The following CDH20 variants were observed in gnomAD, a reference collection of about 807,000 sequenced individuals.
The protein encoded by CDH20 is cadherin 20.
CDH20 carries 29 observed loss-of-function variants against 74.2 expected under a neutral mutation model. The ratio of observed to expected loss-of-function variants is 0.39; its 90% CI spans 0.29 to 0.53. The LOEUF (loss-of-function observed/expected upper bound fraction) is 0.53. Ranked by LOEUF, CDH20 falls within the 20% of genes least tolerant of loss-of-function variation. The pLI is 0.69. For synonymous variants in CDH20, 469 were observed against 405.4 expected (o/e 1.16, Z -1.88); for missense variants, 988 against 1,048.3 (o/e 0.94, Z 0.79).
intron 1 of CDH20, among the ~76,000 whole-genome samples, chr18:61,448,389 A>C (rs1909269795): frequency 6.6e-6 from 1 of 152,216 alleles, no homozygotes. Context: ...GACTGGGCAC[A>C]AACATCTTGA....
intron 1 of CDH20, among the ~76,000 whole-genome samples, chr18:61,441,197 CT>C (rs2144318156): frequency 6.6e-6 from 1 of 152,232 alleles, no homozygotes; most frequent in South Asian, 2.1e-4. Flanking sequence ...GTATAACTCA[CT>C]TTTCTTAAAA....
intron 6 of CDH20, among the ~76,000 whole-genome samples, chr18:61,522,635 G>A (rs186407139): frequency 1.1e-4 from 17 of 152,264 alleles, no homozygotes; most frequent in African/African-American, 4.1e-4. Context: ...TAACAAAGCT[G>A]GAGGCATCAC....
chr18:61,501,953 G>A (rs545311118), intron 4 of CDH20, among the ~76,000 whole-genome samples: 40 of 152,142 alleles, frequency 2.6e-4, no homozygotes, highest in African/African-American at 9.6e-4. Flanking sequence ...GCCCATGGGG[G>A]GCCTTTTAAA....
At chr18:61,488,288 A>G (rs1361699244) in intron 1 of CDH20, among the ~76,000 whole-genome samples, 2 of 152,208 alleles carry the variant, frequency 1.3e-5, no homozygotes, top group African/African-American at 4.8e-5. Flanking sequence ...TCACAGATGT[A>G]GAGATCTGAA....
In CDH20 at chr18:61,518,792, G is replaced by A. The variant is rs919906020; in HGVS notation, c.1018-9175G>A. Among the ~76,000 whole-genome samples the A allele has an allele frequency of 1.3e-5, 2 of 151,282 alleles. 1 individual carries two copies. The highest frequency in any genetic ancestry group is 4.9e-5 in the African/African-American group (2 of 40,696). ...GAGTTTGACAAACTGACAGAAGTGGGCTTCAGAAAGTGGGTAATAACAAAC... is the reference window on the plus strand; with the variant it reads ...GAGTTTGACAAACTGACAGAAGTGGACTTCAGAAAGTGGGTAATAACAAAC... On this transcript the variant is annotated intron_variant, in intron 6 of 11. Transcript: ENST00000262717.
chr18:61,347,847 C>CT (rs796919833), intron 1 of CDH20, among the ~76,000 whole-genome samples: 6 of 152,024 alleles, frequency 3.9e-5, no homozygotes, highest in African/African-American at 9.6e-5. Context: ...ATAAACAATA[C>CT]TTTTTTTTCA....
intron 4 of CDH20, among the ~76,000 whole-genome samples, chr18:61,500,968 A>G (rs545092288): frequency 7.9e-5 from 12 of 152,250 alleles, no homozygotes; most frequent in Non-Finnish European, 1.6e-4. Flanking sequence ...ATTGAGAGCT[A>G]CTAAAGTTCA....
chr18:61,538,424 T>C lies in CDH20; in HGVS notation c.1409-600T>C, dbSNP rs547832089. Among the ~76,000 whole-genome samples the C allele has an allele frequency of 2.0e-5, 3 of 152,042 alleles. No homozygotes were observed. The South Asian group carries it at 6.2e-4, about 32-fold the overall frequency. On this transcript the variant is annotated intron_variant, in intron 8 of 11. Coordinates refer to ENST00000262717, the MANE Select transcript of CDH20 (RefSeq NM_031891.4). The stretch of plus-strand genomic sequence containing the variant: ...CTCACCCTTCCCTTCATACTGCTGA[T>C]AGCAAAGGTTCACCAACACACACCT...
intron 3 of CDH20, among the ~76,000 whole-genome samples, chr18:61,500,144 A>G (rs1911321968): frequency 1.5e-5 from 2 of 129,472 alleles, no homozygotes; most frequent in South Asian, 2.5e-4. Context: ...AAAAAAAAAA[A>G]AAAAAGCAAT....
At chr18:61,421,217 A>C (rs1237206048) in intron 1 of CDH20, among the ~76,000 whole-genome samples, 2 of 152,224 alleles carry the variant, frequency 1.3e-5, no homozygotes, top group Non-Finnish European at 2.9e-5. Context: ...ATGTTCGAGA[A>C]ATTTTTTGTA....
intron 6 of CDH20, among the ~76,000 whole-genome samples, chr18:61,523,147 T>A (rs1470864799): frequency 1.3e-5 from 2 of 151,522 alleles, no homozygotes; most frequent in South Asian, 2.1e-4. Context: ...TGGGAGAAAA[T>A]TTTTGCAATC....
intron 1 of CDH20, among the ~76,000 whole-genome samples, chr18:61,451,783 A>T (rs1909396200): frequency 6.6e-6 from 1 of 152,124 alleles, no homozygotes. Flanking sequence ...TTGGAGAATC[A>T]GTTGACTGAA....
chr18:61,456,859 T>A (rs1411127202), intron 1 of CDH20, among the ~76,000 whole-genome samples: 4 of 152,136 alleles, frequency 2.6e-5, no homozygotes, highest in African/African-American at 9.7e-5. Context: ...GGTGGTTGTC[T>A]CTTGGTTGTA....
chr18:61,528,362 T>G lies in CDH20; in HGVS notation c.1271+142T>G, dbSNP rs544166290. 517 of 849,998 alleles carry G rather than the reference T, an allele frequency of 6.1e-4. 2 individuals carry two copies. The African/African-American group carries it at 7.2e-3, about 12-fold the overall frequency. The allele number at this position is 849,998 out of a possible 1,614,324, so 52.7% of individuals were successfully genotyped here. A position where few individuals can be genotyped will look rare whatever the true frequency, so the allele number is the denominator to read the frequency against. ...TCCTCTTTGAGTTTTTTGTGTTGTT[T>G]TTTTTTTTTTCCCTTAAATAACATG... On this transcript the variant is annotated intron_variant, in intron 7 of 11. Transcript: ENST00000262717.
chr18:61,502,858 C>A (rs1012649723), intron 4 of CDH20, 95 bp from the exon 5 acceptor site: 51 of 983,966 alleles, frequency 5.2e-5, no homozygotes, highest in Non-Finnish European at 7.0e-5. Flanking sequence ...CACTTCTAGG[C>A]ATTAATGGTG....
chr18:61,474,383 T>C (rs1180471472), intron 1 of CDH20, among the ~76,000 whole-genome samples: 1 of 152,188 alleles, frequency 6.6e-6, no homozygotes, highest in African/African-American at 2.4e-5. Flanking sequence ...GCCTTAAAGA[T>C]TTCCTTTTTT....
At chr18:61,364,334 C>T (rs1019566110) in intron 1 of CDH20, among the ~76,000 whole-genome samples, 2 of 150,684 alleles carry the variant, frequency 1.3e-5, no homozygotes, top group African/African-American at 5.0e-5. Flanking sequence ...TTGTTTTAGA[C>T]CGAGTTTCGT....
intron 1 of CDH20, among the ~76,000 whole-genome samples, chr18:61,462,719 A>T: frequency 8.4e-6 from 1 of 119,254 alleles, no homozygotes; most frequent in Admixed American, 8.1e-5. Context: ...CTTACAAAAA[A>T]AAAAAGGGGG....
intron 1 of CDH20, among the ~76,000 whole-genome samples, chr18:61,418,553 CAAAAAA>C (rs36009749): frequency 4.4e-5 from 3 of 68,552 alleles, no homozygotes; most frequent in African/African-American, 1.8e-4. Flanking sequence ...GACTCTGTCT[CAAAAAA>C]AAAAAAAAAA....
Sources: gnomAD v4.1 joint callset for allele counts (sites outside exome capture counted in the v4.1 genomes callset) on GRCh38, gnomAD v4.1.1 for gene constraint, MANE v1.5 for transcripts, NCBI Gene and HGNC (gene_info 2026-07-23, HGNC 2026-07-21) for gene names.